Variants in SYT1 observed in about 807,000 individuals in gnomAD.
SYT1 encodes synaptotagmin-1.
SYT1 carries 8 observed loss-of-function variants against 44.8 expected under a neutral mutation model. The observed-to-expected ratio is 0.18, with a 90% confidence interval of 0.10 to 0.32. SYT1 has a LOEUF of 0.32. Ranked by LOEUF, SYT1 falls within the 10% of genes least tolerant of loss-of-function variation. The pLI is 1.00. For synonymous variants in SYT1, 154 were observed against 188.8 expected, an observed-to-expected ratio of 0.82 and a Z score of 1.51; for missense variants, 286 against 509.3, an observed-to-expected ratio of 0.56 and a Z score of 4.22.
intron 9 of SYT1, among the ~76,000 whole-genome samples, chr12:79,370,174 A>G (rs1300092831): frequency 6.6e-6 from 1 of 152,204 alleles, no homozygotes; most frequent in Non-Finnish European, 1.5e-5. Flanking sequence ...CTGAAAACAC[A>G]CTTAAGAGGA....
At chr12:78,921,856 G>A (rs1423380255) in intron 1 of SYT1, among the ~76,000 whole-genome samples, 2 of 151,894 alleles carry the variant, frequency 1.3e-5, no homozygotes, top group East Asian at 1.9e-4. Context: ...AGATGATGAG[G>A]ATGAGGTGAT....
At chr12:79,082,016 T>C (rs994942162) in intron 3 of SYT1, among the ~76,000 whole-genome samples, 2 of 152,136 alleles carry the variant, frequency 1.3e-5, no homozygotes, top group Non-Finnish European at 2.9e-5. Flanking sequence ...AGTACATACA[T>C]TGACATTAAA....
At chr12:79,022,736 C>T (rs1010859883) in intron 2 of SYT1, among the ~76,000 whole-genome samples, 1 of 151,422 alleles carries the variant, frequency 6.6e-6, no homozygotes, top group Non-Finnish European at 1.5e-5. Context: ...GCAGCTCACA[C>T]ACATAAAACC....
chr12:78,920,170 A>G (rs575451540), intron 1 of SYT1, among the ~76,000 whole-genome samples: 1 of 152,146 alleles, frequency 6.6e-6, no homozygotes, highest in South Asian at 2.1e-4. Context: ...CTTGAATGAA[A>G]TGTGCAAACT....
chr12:79,142,200 C>T (rs79637047), intron 3 of SYT1, among the ~76,000 whole-genome samples: 1 of 152,220 alleles, frequency 6.6e-6, no homozygotes, highest in African/African-American at 2.4e-5. Context: ...TGGGGACTCA[C>T]AGCTCACTCA....
At chr12:79,112,678 C>A (rs555676153) in intron 3 of SYT1, among the ~76,000 whole-genome samples, 20 of 152,074 alleles carry the variant, frequency 1.3e-4, no homozygotes, top group Non-Finnish European at 2.2e-4. Context: ...TAAACATATT[C>A]TTTTAGTTTA....
intron 2 of SYT1, among the ~76,000 whole-genome samples, chr12:78,998,442 C>G (rs761465939): frequency 1.3e-5 from 2 of 152,178 alleles, no homozygotes; most frequent in Non-Finnish European, 2.9e-5. Flanking sequence ...GGATTATGAG[C>G]ACTCTGAGAA....
intron 8 of SYT1, among the ~76,000 whole-genome samples, chr12:79,305,415 G>C (rs1349628145): frequency 6.6e-6 from 1 of 151,934 alleles, no homozygotes; most frequent in African/African-American, 2.4e-5. Flanking sequence ...CAAAGGTCTG[G>C]TCTCACAGCC....
intron 3 of SYT1, among the ~76,000 whole-genome samples, chr12:79,122,513 C>CAAAAAAAAAAAAAAAAAAAAAAAAA (rs58384133): frequency 1.5e-5 from 1 of 65,038 alleles, no homozygotes; most frequent in Admixed American, 1.9e-4. Context: ...GACTCCGTCT[C>CAAAAAAAAAAAAAAAAAAAAAAAAA]AAAAAAAAAA....
At chr12:79,216,588 C>A (rs956744774) in intron 3 of SYT1, among the ~76,000 whole-genome samples, 12 of 152,138 alleles carry the variant, frequency 7.9e-5, no homozygotes, top group Non-Finnish European at 1.6e-4. Context: ...ATTAGGATGT[C>A]AAATGCCCTG....
At chr12:78,878,231 T>C (rs958595241) in intron 1 of SYT1, among the ~76,000 whole-genome samples, 3 of 151,708 alleles carry the variant, frequency 2.0e-5, no homozygotes, top group Non-Finnish European at 2.9e-5. Context: ...TTTAAAATAG[T>C]GAGTGGAGAA....
rs1385047049 is a variant in SYT1, at chr12:79,273,860, C to T, written c.167-11927C>T. On this transcript the variant is annotated intron_variant, in intron 4 of 10. Coordinates refer to ENST00000261205, the MANE Select transcript of SYT1 (RefSeq NM_005639.3). Reference sequence around the variant, plus strand: ...CAGCACTTTGGAAGGCCGATGCTGGCAGATCACGAGGTCAAGAGATGGAGA... The same window carrying T: ...CAGCACTTTGGAAGGCCGATGCTGGTAGATCACGAGGTCAAGAGATGGAGA... Among the ~76,000 whole-genome samples the T allele has an allele frequency of 2.6e-5, 4 of 152,290 alleles. No homozygotes were observed. In the East Asian group the frequency reaches 7.7e-4, roughly 29 times the overall value.
At chr12:79,183,442 GA>G (rs1872648349) in intron 3 of SYT1, among the ~76,000 whole-genome samples, 2 of 151,940 alleles carry the variant, frequency 1.3e-5, no homozygotes, top group Non-Finnish European at 1.5e-5. Context: ...ACAACTCAGG[GA>G]AAAGGGTGCT....
At chr12:79,296,348 A>G in intron 7 of SYT1, 112 bp downstream of exon 7, 2 of 1,128,590 alleles carry the variant, frequency 1.8e-6, no homozygotes, top group Non-Finnish European at 2.5e-6. Flanking sequence ...GGCACTCACA[A>G]TAATTCCAGT....
At chr12:79,394,351 G>A (rs1884787503) in intron 9 of SYT1, among the ~76,000 whole-genome samples, 1 of 152,090 alleles carries the variant, frequency 6.6e-6, no homozygotes, top group African/African-American at 2.4e-5. Context: ...AGAAAAAATT[G>A]AAAACAGTAA....
intron 8 of SYT1, among the ~76,000 whole-genome samples, chr12:79,329,748 C>T (rs1423997998): frequency 6.6e-6 from 1 of 152,186 alleles, no homozygotes; most frequent in East Asian, 1.9e-4. Context: ...CTTAAGGCTT[C>T]AGCTGCAAAC....
intron 3 of SYT1, among the ~76,000 whole-genome samples, chr12:79,175,697 A>G (rs1463687804): frequency 6.6e-6 from 1 of 152,028 alleles, no homozygotes; most frequent in African/African-American, 2.4e-5. Flanking sequence ...AGGAGTAGAG[A>G]CAATTTCATC....
At chr12:79,198,982 C>T (rs1258649861) in intron 3 of SYT1, among the ~76,000 whole-genome samples, 1 of 152,118 alleles carries the variant, frequency 6.6e-6, no homozygotes, top group Admixed American at 6.6e-5. Flanking sequence ...GAATGACAAA[C>T]CTTCTGTGCT....
intron 2 of SYT1, among the ~76,000 whole-genome samples, chr12:79,005,557 G>A (rs1309410840): frequency 6.6e-6 from 1 of 151,984 alleles, no homozygotes; most frequent in East Asian, 1.9e-4. Flanking sequence ...TGGGATATCT[G>A]AGTATAGGAA....
Sources: allele counts gnomAD v4.1 joint callset (sites outside exome capture counted in the v4.1 genomes callset), GRCh38; gene constraint gnomAD v4.1.1; transcripts MANE v1.5; gene names NCBI Gene and HGNC (gene_info 2026-07-23, HGNC 2026-07-21).